PDE10A: variants seen among roughly 807,000 people sequenced by gnomAD.
PDE10A encodes cAMP and cAMP-inhibited cGMP 3',5'-cyclic phosphodiesterase 10A.
PDE10A carries 39 observed loss-of-function variants against 97.7 expected under a neutral mutation model. That is an observed-to-expected ratio of 0.40 (90% confidence interval 0.31 to 0.52). PDE10A has a LOEUF of 0.52. Among genes scored for constraint, PDE10A ranks in the 20% least tolerant of loss-of-function variants. The pLI is 0.56. For synonymous variants in PDE10A, 371 were observed against 376.8 expected (o/e 0.98, Z 0.18); for missense variants, 731 against 1,047.8 (o/e 0.70, Z 4.17).
At position 165,711,484 on chromosome 6, in the gene PDE10A, G is replaced by C. The variant is rs1791894274; in HGVS notation, c.-614-167916C>G. ...GTCTGGTGGACTCTGCGAGTTAGCT[G>C]TCTGGAGAGGGCCTTAAGTCACTCT... On this transcript the variant is annotated intron_variant, in intron 1 of 19. Coordinates refer to the PDE10A transcript ENST00000366882. The surrounding 1 kb of genome is among the most constrained non-coding windows in gnomAD (Gnocchi z 4.5). Among the ~76,000 whole-genome samples, 1 of 152,188 alleles carries C rather than the reference G, an allele frequency of 6.6e-6. No homozygotes were observed. Among genetic ancestry groups the C allele is most frequent in the Non-Finnish European group, 1.5e-5 (1 of 68,034 alleles).
chr6:165,456,800 C>T (rs1421508509), intron 3 of PDE10A, among the ~76,000 whole-genome samples: 4 of 152,118 alleles, frequency 2.6e-5, no homozygotes, highest in African/African-American at 7.2e-5. Context: ...GTTAGCACAT[C>T]CTGTTTCCTT....
intron 1 of PDE10A, among the ~76,000 whole-genome samples, chr6:165,804,520 C>T (rs913225657): frequency 6.6e-6 from 1 of 152,044 alleles, no homozygotes; most frequent in Non-Finnish European, 1.5e-5. Flanking sequence ...AAATGTTTGG[C>T]GCGAACCACA....
At position 165,516,520 on chromosome 6, in the gene PDE10A, T is replaced by C. The variant is rs1489186413; in HGVS notation, c.994+26920A>G. Among the ~76,000 whole-genome samples, 3 of 152,192 alleles carry C rather than the reference T, an allele frequency of 2.0e-5. No homozygotes were observed. In the East Asian group the frequency reaches 5.8e-4, roughly 29 times the overall value. On this transcript the variant is annotated intron_variant, in intron 2 of 21. Coordinates refer to ENST00000539869, the MANE Select transcript of PDE10A (RefSeq NM_001385079.1). ...TACTACCATTGTACATAAAACCTTA[T>C]TTGATAGCGGTATTTGCCTAACAGA... is the stretch of plus-strand genomic sequence containing the variant.
chr6:165,934,900 G>A (rs952718309), intron 1 of PDE10A, among the ~76,000 whole-genome samples: 5 of 152,142 alleles, frequency 3.3e-5, no homozygotes, highest in African/African-American at 9.7e-5. Context: ...CTGTAAGGTC[G>A]GCAGGAATGG....
In PDE10A at chr6:165,329,186, C is replaced by G. The variant is rs1282783893; in HGVS notation, c.*3839G>C. 32 of 152,004 alleles carry G rather than the reference C, an allele frequency of 2.1e-4. No individual in the cohort carries two copies. Among genetic ancestry groups the G allele is most frequent in the Admixed American group, 2.1e-3 (32 of 15,260 alleles). The allele number at this position is 152,004 out of a possible 1,614,324, so 9.4% of individuals were successfully genotyped here. A position where few individuals can be genotyped will look rare whatever the true frequency, so the allele number is the denominator to read the frequency against. ...AAAATCATGCTTAGGTACCTGAAAC[C>G]CCCCAAAATCACATCATAACCAGTG... On this transcript the variant is annotated 3_prime_UTR_variant, in exon 22 of 22. Coordinates refer to ENST00000539869, the MANE Select transcript of PDE10A (RefSeq NM_001385079.1).
intron 1 of PDE10A, among the ~76,000 whole-genome samples, chr6:165,611,577 T>C (rs978380013): frequency 1.3e-5 from 2 of 152,252 alleles, no homozygotes; most frequent in African/African-American, 4.8e-5. Flanking sequence ...ATAATGACTA[T>C]GGTCCAGAGA....
At chr6:165,749,317 T>TAC (rs1792927786) in intron 1 of PDE10A, among the ~76,000 whole-genome samples, 1 of 11,550 alleles carries the variant, frequency 8.7e-5, no homozygotes, top group African/African-American at 3.7e-4. Flanking sequence ...ATCACCATCA[T>TAC]CACCATCACC....
chr6:165,526,155 G>T (rs900509829), intron 2 of PDE10A, among the ~76,000 whole-genome samples: 1 of 152,174 alleles, frequency 6.6e-6, no homozygotes, highest in African/African-American at 2.4e-5. Flanking sequence ...GTGTACTGGG[G>T]AAAGGAAATG....
chr6:165,816,349 C>T (rs754294923), intron 1 of PDE10A, among the ~76,000 whole-genome samples: 1 of 152,226 alleles, frequency 6.6e-6, no homozygotes, highest in African/African-American at 2.4e-5. Context: ...ATTGATCATT[C>T]ACTACATCCT....
intron 1 of PDE10A, among the ~76,000 whole-genome samples, chr6:165,943,883 A>T (rs568127572): frequency 6.6e-6 from 1 of 152,224 alleles, no homozygotes; most frequent in Non-Finnish European, 1.5e-5. Context: ...TCAAAACAAC[A>T]TGAGCTACAG....
rs150341938 is a variant in PDE10A at position 165,915,261 on chromosome 6, C to T, written c.-615+72268G>A. ...CAAGTTCAAGGCTGATTCTGGGGGACAAGGCAACAGAAGGCTGTGACAAGG... is the reference window on the plus strand; with the variant it reads ...CAAGTTCAAGGCTGATTCTGGGGGATAAGGCAACAGAAGGCTGTGACAAGG... On this transcript the variant is annotated intron_variant, in intron 1 of 19. Transcript: ENST00000366882. Among the ~76,000 whole-genome samples, 214 of 152,204 alleles carry T rather than the reference C, an allele frequency of 1.4e-3. 2 individuals carry two copies. The highest frequency in any genetic ancestry group is 4.9e-3 in the African/African-American group (203 of 41,526).
At position 165,332,982 on chromosome 6, in the gene PDE10A, A is replaced by T; in HGVS notation, c.*43T>A. The T allele has an allele frequency of 1.3e-6, 1 of 781,158 alleles. No homozygotes were observed. Among genetic ancestry groups the T allele is most frequent in the Non-Finnish European group, 2.1e-6 (1 of 484,718 alleles). The allele number at this position is 781,158 out of a possible 1,614,324, so 48.4% of individuals were successfully genotyped here. ...AGGAAAAGAATGTCAAAGAAGCAAG[A>T]TGAGGATCTGTAGGTGGGACAGCGT... On this transcript the variant is annotated 3_prime_UTR_variant, in exon 22 of 22. Coordinates refer to ENST00000539869, the MANE Select transcript of PDE10A (RefSeq NM_001385079.1).
chr6:165,611,305 G>A (rs2128401299), intron 1 of PDE10A, among the ~76,000 whole-genome samples: 1 of 152,316 alleles, frequency 6.6e-6, no homozygotes, highest in South Asian at 2.1e-4. Context: ...TGTCCTGACT[G>A]ATAAGCTGAC....
At chr6:165,435,027 A>G (rs1230579791) in intron 6 of PDE10A, among the ~76,000 whole-genome samples, 1 of 152,240 alleles carries the variant, frequency 6.6e-6, no homozygotes, top group Non-Finnish European at 1.5e-5. Flanking sequence ...CATGTGTTGA[A>G]ATAAGAACTG....
intron 13 of PDE10A, among the ~76,000 whole-genome samples, chr6:165,407,357 A>G (rs1199565015): frequency 6.6e-6 from 1 of 152,032 alleles, no homozygotes; most frequent in Non-Finnish European, 1.5e-5. Flanking sequence ...GCCCTTGGGG[A>G]AATTATTTAA....
intron 1 of PDE10A, among the ~76,000 whole-genome samples, chr6:165,904,565 C>T (rs1782212727): frequency 6.6e-6 from 1 of 152,032 alleles, no homozygotes; most frequent in Non-Finnish European, 1.5e-5. Context: ...ATTTTTTTCC[C>T]TCATTTTGGT....
chr6:165,934,653 C>T (rs1404997162), intron 1 of PDE10A, among the ~76,000 whole-genome samples: 2 of 152,206 alleles, frequency 1.3e-5, no homozygotes, highest in African/African-American at 4.8e-5. Context: ...ATACTCTACC[C>T]AGTATCCTGC....
At chr6:165,642,829 G>C (rs1258226892) in intron 1 of PDE10A, among the ~76,000 whole-genome samples, 1 of 152,120 alleles carries the variant, frequency 6.6e-6, no homozygotes. Context: ...AAGAACGTGC[G>C]TCCCATCACA....
rs1471799940 is a variant in PDE10A at position 165,691,601 on chromosome 6, A to ACACG, written c.-614-148034_-614-148033insCGTG. Among the ~76,000 whole-genome samples, 21 of 150,212 alleles carry ACACG rather than the reference A, an allele frequency of 1.4e-4. No individual in the cohort carries two copies. The East Asian group carries it at 3.7e-3, about 26-fold the overall frequency. On this transcript the variant is annotated intron_variant, in intron 1 of 19. Transcript: ENST00000366882. ...CGCATGCACGCGCGCGCACACACAC[A>ACACG]CACACACACACACACACACACACAG...
Sources: allele counts gnomAD v4.1 joint callset (sites outside exome capture counted in the v4.1 genomes callset), GRCh38; gene constraint gnomAD v4.1.1; non-coding constraint Gnocchi (gnomAD v3.1); transcripts MANE v1.5; gene names NCBI Gene and HGNC (gene_info 2026-07-23, HGNC 2026-07-21).